Variants in FAM135B observed in about 807,000 individuals in gnomAD.
FAM135B encodes family with sequence similarity 135 member B.
Under a neutral mutation model 127.7 loss-of-function variants are expected in FAM135B, and 43 were observed. The ratio of observed to expected loss-of-function variants is 0.34; its 90% CI spans 0.26 to 0.43. The LOEUF (loss-of-function observed/expected upper bound fraction) is 0.43. Ranked by LOEUF, FAM135B falls within the 20% of genes least tolerant of loss-of-function variation. The pLI, the probability that FAM135B is intolerant of heterozygous loss-of-function variation, is 1.00. For synonymous variants in FAM135B, 670 were observed against 665.1 expected, an observed-to-expected ratio of 1.01 and a Z score of -0.11; for missense variants, 1,558 against 1,725.6, an observed-to-expected ratio of 0.90 and a Z score of 1.72.
At chr8:138,134,926 G>C (rs754007366) in intron 19 of FAM135B, among the ~76,000 whole-genome samples, 2 of 152,128 alleles carry the variant, frequency 1.3e-5, no homozygotes, top group Non-Finnish European at 2.9e-5. Flanking sequence ...TGGCCATTGT[G>C]AATATCAAAT....
intron 2 of FAM135B, among the ~76,000 whole-genome samples, chr8:138,354,181 C>T (rs182232586): frequency 1.3e-5 from 2 of 152,222 alleles, no homozygotes; most frequent in Non-Finnish European, 2.9e-5. Flanking sequence ...AATCAAGCAA[C>T]TCCCTTACTC....
intron 1 of FAM135B, among the ~76,000 whole-genome samples, chr8:138,405,744 G>C (rs1005895004): frequency 3.7e-4 from 56 of 152,176 alleles, no homozygotes; most frequent in African/African-American, 1.3e-3. Context: ...TGGGATGGCT[G>C]GGACAAATGG....
chr8:138,256,398 A>G (rs1822091371), intron 5 of FAM135B, among the ~76,000 whole-genome samples: 1 of 152,164 alleles, frequency 6.6e-6, no homozygotes, highest in Non-Finnish European at 1.5e-5. Context: ...TTTCTATCAC[A>G]TTGTAAGATG....
At chr8:138,343,920 G>A (rs967209025) in intron 2 of FAM135B, among the ~76,000 whole-genome samples, 4 of 152,124 alleles carry the variant, frequency 2.6e-5, no homozygotes, top group African/African-American at 9.7e-5. Flanking sequence ...TTCTTTCCAT[G>A]GCCCTTCCAG....
chr8:138,362,842 G>A (rs1830514339), intron 2 of FAM135B, among the ~76,000 whole-genome samples: 1 of 152,124 alleles, frequency 6.6e-6, no homozygotes, highest in South Asian at 2.1e-4. Context: ...AATGGCAGGG[G>A]CTCTATCTTT....
chr8:138,217,432 C>CTTTTTTTTTTT (rs538347463), intron 7 of FAM135B, among the ~76,000 whole-genome samples: 1 of 129,268 alleles, frequency 7.7e-6, no homozygotes, highest in African/African-American at 3.0e-5. Flanking sequence ...TGATATATTT[C>CTTTTTTTTTTT]TTTTTTTTTT....
chr8:138,350,205 A>G (rs1299368853), intron 2 of FAM135B, among the ~76,000 whole-genome samples: 1 of 152,152 alleles, frequency 6.6e-6, no homozygotes, highest in Non-Finnish European at 1.5e-5. Flanking sequence ...TGATATTTCA[A>G]AGATGAAACC....
chr8:138,491,719 A>C (rs1446169626), intron 1 of FAM135B, among the ~76,000 whole-genome samples: 1 of 152,236 alleles, frequency 6.6e-6, no homozygotes, highest in East Asian at 1.9e-4. Flanking sequence ...ATTGATAAGT[A>C]CTATAAAGAA....
At chr8:138,170,305 C>A (rs1586672319) in intron 11 of FAM135B, among the ~76,000 whole-genome samples, 1 of 151,244 alleles carries the variant, frequency 6.6e-6, no homozygotes, top group South Asian at 2.1e-4. Flanking sequence ...TCACCGCAAC[C>A]TCCACCTCCT....
At chr8:138,440,826 C>G (rs1019512064) in intron 1 of FAM135B, 1 of 152,040 alleles carries the variant, frequency 6.6e-6, no homozygotes, top group Non-Finnish European at 1.5e-5. Context: ...ACATGCAACT[C>G]AAGAGGTAGA....
chr8:138,443,497 A>G (rs572415948), intron 1 of FAM135B, among the ~76,000 whole-genome samples: 1 of 152,300 alleles, frequency 6.6e-6, no homozygotes, highest in South Asian at 2.1e-4. Flanking sequence ...TCAAAATCTT[A>G]CACCAAACCT....
rs377678064 is a variant in FAM135B at position 138,346,896 on chromosome 8, C to T, written c.77+21011G>A. ...CTGAAGGCCTGGCAGGTAGCAAGCA[C>T]TCACCAATGTCCATTATAATCACAT... On this transcript the variant is annotated intron_variant, in intron 2 of 19. Transcript: ENST00000395297. Among the ~76,000 whole-genome samples the T allele has an allele frequency of 5.3e-5, 8 of 152,294 alleles. No individual in the cohort carries two copies. In the East Asian group the frequency reaches 1.5e-3, roughly 29 times the overall value.
intron 9 of FAM135B, among the ~76,000 whole-genome samples, chr8:138,191,612 G>A (rs1472890877): frequency 6.6e-6 from 1 of 152,180 alleles, no homozygotes; most frequent in Admixed American, 6.5e-5. Flanking sequence ...GTTGAGACCT[G>A]AAGAACACCG....
chr8:138,333,493 G>T (rs111666939), intron 2 of FAM135B, among the ~76,000 whole-genome samples: 1 of 152,060 alleles, frequency 6.6e-6, no homozygotes, highest in Admixed American at 6.6e-5. Context: ...CTTCCCTGAC[G>T]TCCAGCAGAA....
At chr8:138,269,479 C>T (rs530003067) in intron 3 of FAM135B, among the ~76,000 whole-genome samples, 13 of 152,262 alleles carry the variant, frequency 8.5e-5, no homozygotes, top group African/African-American at 2.9e-4. Flanking sequence ...CTTTCAATTC[C>T]CCAGGCCTGA....
intron 3 of FAM135B, among the ~76,000 whole-genome samples, chr8:138,286,329 A>G (rs1824683584): frequency 6.6e-6 from 1 of 152,224 alleles, no homozygotes; most frequent in Non-Finnish European, 1.5e-5. Context: ...AGGTTAGTGG[A>G]GGAACATGGT....
At chr8:138,298,322 C>T (rs1039610383) in intron 3 of FAM135B, among the ~76,000 whole-genome samples, 2 of 152,104 alleles carry the variant, frequency 1.3e-5, no homozygotes, top group Non-Finnish European at 2.9e-5. Context: ...AGAGTAAGGA[C>T]TTGCGTATCA....
chr8:138,393,260 A>G lies in FAM135B; in HGVS notation c.-19-25258T>C, dbSNP rs114933980. 2.5e-3 allele frequency among the ~76,000 whole-genome samples: 378 copies of G among 152,262 alleles called. 3 individuals carry two copies. Among genetic ancestry groups the G allele is most frequent in the African/African-American group, 8.8e-3 (365 of 41,564 alleles). On this transcript the variant is annotated intron_variant, in intron 1 of 19. Transcript: ENST00000395297. ...GATTTGGTTGGGGACATAGAGCCAA[A>G]CCACATCAGGTGTTTCTTCCCAACA...
chr8:138,393,435 C>T (rs1032674408), intron 1 of FAM135B, among the ~76,000 whole-genome samples: 2 of 150,962 alleles, frequency 1.3e-5, no homozygotes, highest in African/African-American at 2.4e-5. Context: ...TGGGGATACA[C>T]TCTAGGACAC....
Sources: gnomAD v4.1 joint callset for allele counts (sites outside exome capture counted in the v4.1 genomes callset) on GRCh38, gnomAD v4.1.1 for gene constraint, MANE v1.5 for transcripts, NCBI Gene and HGNC (gene_info 2026-07-23, HGNC 2026-07-21) for gene names.